The following GSN variants were observed in gnomAD, a reference collection of about 807,000 sequenced individuals.
GSN encodes gelsolin.
In GSN, 56 loss-of-function variants were observed where a neutral mutation model predicts 85.7. The ratio of observed to expected loss-of-function variants is 0.65; its 90% CI spans 0.53 to 0.82. The LOEUF (loss-of-function observed/expected upper bound fraction) is 0.82. GSN is among the 40% of genes least tolerant of loss of function. The pLI is 0.00. For missense variants in GSN, 857 were observed against 979.8 expected, an observed-to-expected ratio of 0.87 and a Z score of 1.67; for synonymous variants, 373 against 399.1, an observed-to-expected ratio of 0.93 and a Z score of 0.78.
At chr9:121,258,000 A>G (rs1284524869) in intron 6 of GSN, among the ~76,000 whole-genome samples, 1 of 152,242 alleles carries the variant, frequency 6.6e-6, no homozygotes, top group Non-Finnish European at 1.5e-5. Flanking sequence ...AAGGAGGAAA[A>G]AATGATAGTC....
chr9:121,320,630 A>C (rs2062303881), intron 10 of GSN, among the ~76,000 whole-genome samples: 1 of 151,716 alleles, frequency 6.6e-6, no homozygotes, highest in Admixed American at 6.6e-5. Context: ...GGGCAACAAG[A>C]GTGAAACCTC....
At chr9:121,314,219 G>A (rs919116053) in intron 7 of GSN, among the ~76,000 whole-genome samples, 196 bp downstream of exon 7, 8 of 152,200 alleles carry the variant, frequency 5.3e-5, no homozygotes, top group African/African-American at 1.9e-4. Flanking sequence ...GATCAACTCC[G>A]TACATATCTG....
At chr9:121,220,662 A>G (rs1333416642) in intron 4 of GSN, among the ~76,000 whole-genome samples, 2 of 152,216 alleles carry the variant, frequency 1.3e-5, no homozygotes, top group African/African-American at 2.4e-5. Context: ...ACCTAGTGAG[A>G]TAGTTATTCT....
intron 4 of GSN, among the ~76,000 whole-genome samples, chr9:121,211,524 G>C (rs182261665): frequency 6.6e-6 from 1 of 152,156 alleles, no homozygotes; most frequent in Non-Finnish European, 1.5e-5. Context: ...AGGTGTAAAA[G>C]TTGCTATTAA....
Position 121,282,340 on chromosome 9 carries a change from G to A in GSN, c.-10+778G>A, listed in dbSNP as rs76565388. 2,506 of 591,776 alleles carry A rather than the reference G, an allele frequency of 4.2e-3. 55 individuals are homozygous for A. Among genetic ancestry groups the A allele is most frequent in the African/African-American group, 0.042 (2,248 of 53,962 alleles). 36.7% of individuals were successfully genotyped at this position (591,776 alleles called of 1,614,324 possible). On this transcript the variant is annotated intron_variant, in intron 2 of 17. Coordinates refer to ENST00000432226, the MANE Select transcript of GSN (RefSeq NM_198252.3). ...GATCACTACTAGGGGGAATCGCCCA[G>A]CTTCCAACACCCAAACAGAAGTGAA...
chr9:121,310,356 T>G (rs1440478801), intron 4 of GSN: 1 of 361,752 alleles, frequency 2.8e-6, no homozygotes, highest in Admixed American at 4.2e-5. Context: ...TTTTTTGATT[T>G]AGAAAGTGGC....
chr9:121,272,225 G>A (rs140687402), intron 1 of GSN, among the ~76,000 whole-genome samples: 2,325 of 152,304 alleles, frequency 0.015, 28 homozygotes, highest in Middle Eastern at 0.078. Context: ...CCTGCCATAT[G>A]CCTGCTCTCG....
chr9:121,228,424 A>ATATTTT (rs1315548268), intron 4 of GSN, among the ~76,000 whole-genome samples: 1 of 48,120 alleles, frequency 2.1e-5, no homozygotes, highest in Non-Finnish European at 3.6e-5. Context: ...ATATATATAT[A>ATATTTT]TTTTTTTTTT....
chr9:121,309,628 A>G (rs2060845179), intron 4 of GSN: 4 of 152,126 alleles, frequency 2.6e-5, no homozygotes, highest in Admixed American at 2.6e-4. Flanking sequence ...GTACCTCTCA[A>G]AGTGGCTTTT....
At chr9:121,283,404 T>C (rs1393821691) in intron 2 of GSN, 1 of 154,230 alleles carries the variant, frequency 6.5e-6, no homozygotes, top group Non-Finnish European at 1.5e-5. Flanking sequence ...TACAAGTGAT[T>C]CTCCTGCCTC....
intron 2 of GSN, among the ~76,000 whole-genome samples, chr9:121,300,905 C>A (rs1426981895): frequency 1.3e-5 from 2 of 152,074 alleles, no homozygotes; most frequent in African/African-American, 4.8e-5. Flanking sequence ...ACAGGAGGCT[C>A]AGGTGGGCTC....
intron 2 of GSN, chr9:121,286,224 C>A: frequency 1.5e-6 from 2 of 1,360,176 alleles, no homozygotes; most frequent in Non-Finnish European, 2.0e-6. Flanking sequence ...CCGAAGCCAG[C>A]TCAGAGGAGG....
chr9:121,315,378 G>A (rs754288972), intron 7 of GSN, among the ~76,000 whole-genome samples: 1 of 152,014 alleles, frequency 6.6e-6, no homozygotes, highest in Non-Finnish European at 1.5e-5. Context: ...GTCCCTCTTG[G>A]TGCACTTGTG....
chr9:121,211,345 T>C (rs1347470113), intron 4 of GSN, among the ~76,000 whole-genome samples: 1 of 152,110 alleles, frequency 6.6e-6, no homozygotes, highest in Non-Finnish European at 1.5e-5. Context: ...TTTTACCACA[T>C]AAAAAAGCAT....
chr9:121,258,536 G>C (rs1332306764), intron 6 of GSN, among the ~76,000 whole-genome samples: 1 of 151,904 alleles, frequency 6.6e-6, no homozygotes, highest in East Asian at 1.9e-4. Context: ...AACTTGGAAA[G>C]ACTAAGGGGT....
intron 12 of GSN, among the ~76,000 whole-genome samples, chr9:121,325,428 A>G (rs981253101): frequency 6.6e-6 from 1 of 152,084 alleles, no homozygotes; most frequent in Non-Finnish European, 1.5e-5. Flanking sequence ...GCAAGGGGAA[A>G]ATGCCATGAT....
In GSN at chr9:121,329,288, C is replaced by T. The variant is rs772416215; in HGVS notation, c.1938C>T (p.Asp646=). ...TGCAGGAAGACCTGGCAACGGATGA[C>T]GTCATGCTTCTGGACACCTGGGACC... ...ELMQEDLATD[D]VMLLDTWDQV... The change falls in exon 16 of 18, where the codon GAC becomes GAT. Residue 646 remains aspartate (D), a synonymous_variant. Transcript: ENST00000432226. This position sits in a 1 kb window ranked among gnomAD's most constrained non-coding sequence, Gnocchi z 4.6. 1.5e-5 allele frequency: 24 copies of T among 1,609,922 alleles called. No individual in the cohort carries two copies. Among genetic ancestry groups the T allele is most frequent in the East Asian group, 6.7e-5 (3 of 44,872 alleles).
Position 121,329,294 on chromosome 9 carries a change from G to A in GSN, c.1944G>A (p.Met648Ile). The A allele has an allele frequency of 1.2e-6, 2 of 1,608,388 alleles. No individual in the cohort carries two copies. The highest frequency in any genetic ancestry group is 2.2e-5 in the South Asian group (2 of 90,948). ...AAGACCTGGCAACGGATGACGTCAT[G>A]CTTCTGGACACCTGGGACCAGGTGG... ...MQEDLATDDV[M>I]LLDTWDQVFV... Residue 648 changes from methionine (M) to isoleucine (I), a missense_variant, in exon 16 of 18, where the codon ATG (methionine) becomes ATA (isoleucine). Physicochemically the swap from Met to Ile is conservative, Grantham distance 10 (BLOSUM62 1). Coordinates refer to ENST00000432226, the MANE Select transcript of GSN (RefSeq NM_198252.3). The surrounding 1 kb of genome is among the most constrained non-coding windows in gnomAD (Gnocchi z 4.6).
chr9:121,324,649 GC>G lies in GSN; in HGVS notation c.1416+8del. On this transcript the variant is annotated splice_donor_region_variant and intron_variant, in intron 12 of 17. Coordinates refer to ENST00000432226, the MANE Select transcript of GSN (RefSeq NM_198252.3). The stretch of plus-strand genomic sequence containing the variant: ...CTGGGAGGTACCCCTGTCCAGGTGA[GC>G]CCAGCCCACCGCCTCTCTGGGCTGC... The G allele has an allele frequency of 6.8e-7, 1 of 1,466,190 alleles. No individual in the cohort carries two copies. Among genetic ancestry groups the G allele is most frequent in the Non-Finnish European group, 9.3e-7 (1 of 1,072,942 alleles). 90.8% of individuals were successfully genotyped at this position (1,466,190 alleles called of 1,614,324 possible).
Sources: allele counts gnomAD v4.1 joint callset (sites outside exome capture counted in the v4.1 genomes callset), GRCh38; gene constraint gnomAD v4.1.1; non-coding constraint Gnocchi (gnomAD v3.1); transcripts MANE v1.5; gene names NCBI Gene and HGNC (gene_info 2026-07-23, HGNC 2026-07-21).